SEPTIN10: variants seen among roughly 807,000 people sequenced by gnomAD.
SEPTIN10 encodes septin-10.
In SEPTIN10, 66 loss-of-function variants were observed where a neutral mutation model predicts 54.8. That is an observed-to-expected ratio of 1.21 (90% CI 0.99 to 1.48). The LOEUF (loss-of-function observed/expected upper bound fraction) is 1.48, where lower values mean the gene tolerates loss of function less well. Ranked by LOEUF, SEPTIN10 falls within the 40% of genes most tolerant of loss-of-function variation. The pLI is 0.00. For synonymous variants in SEPTIN10, 161 were observed against 181.0 expected, an observed-to-expected ratio of 0.89 and a Z score of 0.89; for missense variants, 620 against 545.6, an observed-to-expected ratio of 1.14 and a Z score of -1.36.
intron 5 of SEPTIN10, among the ~76,000 whole-genome samples, 163 bp downstream of exon 5, chr2:109,574,418 C>T (rs1347667755): frequency 7.4e-6 from 1 of 135,734 alleles, no homozygotes; most frequent in Non-Finnish European, 1.5e-5. Context: ...TACCTCCAGC[C>T]TGGGTGACAG....
At chr2:109,585,366 A>C (rs1479585551) in intron 3 of SEPTIN10, 45 bp from the exon 4 acceptor site, 1 of 1,452,938 alleles carries the variant, frequency 6.9e-7, no homozygotes, top group Non-Finnish European at 9.4e-7. Context: ...TGAATGGCTG[A>C]AAAGAAATAC....
chr2:109,604,383 A>AAGGGGAGGGGCGGGGAGGGG (rs1697417970), intron 1 of SEPTIN10, among the ~76,000 whole-genome samples: 1 of 64,434 alleles, frequency 1.6e-5, no homozygotes, highest in East Asian at 5.8e-4. Context: ...AAGGGAAGGG[A>AAGGGGAGGGGCGGGGAGGGG]AGGGGAGGGG....
chr2:109,559,178 G>A (rs541171448), intron 8 of SEPTIN10, among the ~76,000 whole-genome samples: 9 of 152,222 alleles, frequency 5.9e-5, no homozygotes, highest in African/African-American at 1.9e-4. Context: ...AAGCCACCAC[G>A]CCTGGCCAGA....
intron 8 of SEPTIN10, among the ~76,000 whole-genome samples, chr2:109,554,309 T>C (rs559019980): frequency 1.4e-4 from 21 of 152,302 alleles, no homozygotes; most frequent in Non-Finnish European, 2.2e-4. Context: ...CTGAGCACTT[T>C]CACACCGCAT....
chr2:109,605,783 A>G (rs1215774197), intron 1 of SEPTIN10: 21 of 152,224 alleles, frequency 1.4e-4, no homozygotes, highest in Admixed American at 1.2e-3. Context: ...TTTCTATACA[A>G]CAGAATTTCT....
intron 2 of SEPTIN10, among the ~76,000 whole-genome samples, chr2:109,591,942 G>A (rs1300436777): frequency 6.6e-6 from 1 of 151,980 alleles, no homozygotes; most frequent in Non-Finnish European, 1.5e-5. Flanking sequence ...AATTACCTAT[G>A]TTTGTATTTG....
rs528765822 is a variant in SEPTIN10, at chr2:109,594,936, G to A, written c.31-1817C>T. On this transcript the variant is annotated intron_variant, in intron 1 of 10. Coordinates refer to ENST00000397712, the MANE Select transcript of SEPTIN10 (RefSeq NM_144710.5). ...AGAGTCTCACTCCGTCACCCAGGCT[G>A]GAGTGCAGGGGTGCAATCTCAGCTA... The A allele has an allele frequency of 3.3e-5, 5 of 151,774 alleles. No individual in the cohort carries two copies. In the East Asian group the frequency reaches 9.7e-4, roughly 29 times the overall value. 9.4% of individuals were successfully genotyped at this position (151,774 alleles called of 1,614,324 possible).
At chr2:109,549,700 T>C (rs758278607) in intron 9 of SEPTIN10, among the ~76,000 whole-genome samples, 14 of 152,196 alleles carry the variant, frequency 9.2e-5, no homozygotes, top group Admixed American at 2.6e-4. Flanking sequence ...TCCAGGAGGA[T>C]GCCTGAAACC....
At chr2:109,567,670 T>G in intron 6 of SEPTIN10, 145 bp downstream of exon 6, 1 of 751,136 alleles carries the variant, frequency 1.3e-6, no homozygotes, top group South Asian at 3.2e-5. Flanking sequence ...CTAAACATTT[T>G]CTCATACTGG....
At chr2:109,600,211 C>T (rs1681657821) in intron 1 of SEPTIN10, among the ~76,000 whole-genome samples, 1 of 152,172 alleles carries the variant, frequency 6.6e-6, no homozygotes, top group Non-Finnish European at 1.5e-5. Context: ...CCCTTCTTTC[C>T]TTGCACGGCT....
chr2:109,568,061 T>C, intron 5 of SEPTIN10, 85 bp from the exon 6 acceptor site: 1 of 1,074,342 alleles, frequency 9.3e-7, no homozygotes, highest in Non-Finnish European at 1.3e-6. Context: ...AACTGTTCAT[T>C]CTGACAATGA....
intron 1 of SEPTIN10, among the ~76,000 whole-genome samples, chr2:109,600,802 T>C (rs1420238989): frequency 6.6e-6 from 1 of 152,250 alleles, no homozygotes; most frequent in Non-Finnish European, 1.5e-5. Flanking sequence ...TATTTTCCAA[T>C]GCTTCTAACA....
In SEPTIN10 at chr2:109,585,815, C is replaced by A. The variant is rs768798518; in HGVS notation, c.123G>T (p.Leu41Phe). The change falls in exon 3 of 11, where the codon TTG (leucine) becomes TTT (phenylalanine). Residue 41 changes from leucine (L) to phenylalanine (F), a missense_variant. Transcript: ENST00000397712. ...EQIKRENIRS[L>F]TMSGHVGFES... ...CAAAACCAACATGGCCAGACATAGTCAACGAACGAATGTTTTCTCTTTTCT... is the reference window on the plus strand; with the variant it reads ...CAAAACCAACATGGCCAGACATAGTAAACGAACGAATGTTTTCTCTTTTCT... The A allele has an allele frequency of 1.0e-5, 16 of 1,607,858 alleles. No individual in the cohort carries two copies. Among genetic ancestry groups the A allele is most frequent in the Non-Finnish European group, 1.4e-5 (16 of 1,176,580 alleles).
At chr2:109,593,241 T>G (rs530317085) in intron 1 of SEPTIN10, 122 bp from the exon 2 acceptor site, 19 of 552,768 alleles carry the variant, frequency 3.4e-5, no homozygotes, top group African/African-American at 2.9e-4. Flanking sequence ...CAAGTTTTGA[T>G]GTGTAGTCTA....
Position 109,567,949 on chromosome 2 carries a change from C to T in SEPTIN10, c.628G>A (p.Ala210Thr), listed in dbSNP as rs769078613. The T allele has an allele frequency of 1.9e-6, 3 of 1,612,356 alleles. No individual in the cohort carries two copies. The highest frequency in any genetic ancestry group is 2.5e-6 in the Non-Finnish European group (3 of 1,179,514). Residue 210 changes from alanine (A) to threonine (T), a missense_variant, in exon 6 of 11, where the codon GCA (alanine) becomes ACA (threonine). By Grantham distance (58) the Ala-to-Thr change is moderately conservative. Transcript: ENST00000397712. ...AATTCAGTTTTAGAAACCGTATCTG[C>T]TTTGGCAATCACTGGTATAATGTTT... ...KVNIIPVIAK[A>T]DTVSKTELQK... is the part of the protein sequence containing the mutation.
At chr2:109,593,870 T>C (rs974386838) in intron 1 of SEPTIN10, among the ~76,000 whole-genome samples, 4 of 152,190 alleles carry the variant, frequency 2.6e-5, no homozygotes, top group Non-Finnish European at 5.9e-5. Context: ...ACTAAAATAA[T>C]CATTTATAGA....
At chr2:109,550,729 G>A (rs1257541657) in intron 9 of SEPTIN10, among the ~76,000 whole-genome samples, 1 of 152,160 alleles carries the variant, frequency 6.6e-6, no homozygotes, top group South Asian at 2.1e-4. Flanking sequence ...CTAGAAGTTA[G>A]AGCCCAGTCT....
At chr2:109,599,503 G>A (rs1696135775) in intron 1 of SEPTIN10, among the ~76,000 whole-genome samples, 1 of 151,326 alleles carries the variant, frequency 6.6e-6, no homozygotes, top group Non-Finnish European at 1.5e-5. Context: ...TACCAAGAGT[G>A]AGCAAGATAA....
At chr2:109,567,753 C>T in intron 6 of SEPTIN10, 62 bp downstream of exon 6, 2 of 1,454,534 alleles carry the variant, frequency 1.4e-6, no homozygotes, top group Non-Finnish European at 1.8e-6. Context: ...AGCAATATTA[C>T]TCACAAATTA....
Sources: allele counts gnomAD v4.1 joint callset (sites outside exome capture counted in the v4.1 genomes callset), GRCh38; gene constraint gnomAD v4.1.1; transcripts MANE v1.5; gene names NCBI Gene and HGNC (gene_info 2026-07-23, HGNC 2026-07-21).